The following OR51C1 variants were observed in gnomAD, a reference collection of about 807,000 sequenced individuals.
The protein encoded by OR51C1 is olfactory receptor family 51 subfamily C member 1.
the OR51C1 span, among the ~76,000 whole-genome samples, chr11:4,694,157 A>T: frequency 6.6e-6 from 1 of 152,004 alleles, no homozygotes; most frequent in African/African-American, 2.4e-5. Context: ...ATCTCCCATT[A>T]CCTCATTTCA....
chr11:4,694,486 G>A, the OR51C1 span, among the ~76,000 whole-genome samples: 9 of 143,324 alleles, frequency 6.3e-5, no homozygotes, highest in East Asian at 5.3e-4. Context: ...ATATATATAC[G>A]TGTATATATA....
the OR51C1 span, among the ~76,000 whole-genome samples, chr11:4,694,935 G>A: frequency 1.3e-5 from 2 of 152,222 alleles, no homozygotes; most frequent in South Asian, 4.1e-4. Context: ...TTATAAGGAT[G>A]AAAAACAGGG....
At chr11:4,693,960 T>C in the OR51C1 span, among the ~76,000 whole-genome samples, 2 of 152,168 alleles carry the variant, frequency 1.3e-5, no homozygotes, top group Admixed American at 6.5e-5. Context: ...CGATGAATAA[T>C]AAAAATGGTT....
At chr11:4,696,820 G>T in the OR51C1 span, among the ~76,000 whole-genome samples, 1 of 152,110 alleles carries the variant, frequency 6.6e-6, no homozygotes, top group Non-Finnish European at 1.5e-5. Context: ...GTCTTAATCT[G>T]CTGAACTAGA....
At chr11:4,696,160 T>A in the OR51C1 span, among the ~76,000 whole-genome samples, 1 of 152,114 alleles carries the variant, frequency 6.6e-6, no homozygotes, top group African/African-American at 2.4e-5. Context: ...ATGTGGTGAA[T>A]AAAAAGTAAA....
At chr11:4,694,696 C>T in the OR51C1 span, among the ~76,000 whole-genome samples, 3 of 151,846 alleles carry the variant, frequency 2.0e-5, no homozygotes, top group East Asian at 1.9e-4. Flanking sequence ...TGCCAGACAG[C>T]GTCTATCAGC....
the OR51C1 span, chr11:4,690,623 C>T: frequency 6.8e-6 from 2 of 292,938 alleles, no homozygotes; most frequent in South Asian, 3.2e-5. Context: ...AGATACATTC[C>T]AGCTTTAACT....
At chr11:4,697,330 G>A in the OR51C1 span, among the ~76,000 whole-genome samples, 8 of 152,298 alleles carry the variant, frequency 5.3e-5, no homozygotes, top group Admixed American at 1.3e-4. Flanking sequence ...CAGGCAATGC[G>A]TTCGAAATTG....
chr11:4,691,917 G>A, the OR51C1 span, among the ~76,000 whole-genome samples: 1 of 152,168 alleles, frequency 6.6e-6, no homozygotes, highest in Non-Finnish European at 1.5e-5. Context: ...TTGCCTTAGT[G>A]TACAATCTTT....
At chr11:4,696,156 T>C in the OR51C1 span, among the ~76,000 whole-genome samples, 1 of 152,208 alleles carries the variant, frequency 6.6e-6, no homozygotes, top group East Asian at 1.9e-4. Context: ...CTGCATGTGG[T>C]GAATAAAAAG....
chr11:4,690,803 CTGTT>C, the OR51C1 span: 506 of 433,918 alleles, frequency 1.2e-3, 4 homozygotes, highest in African/African-American at 1.0e-2. Flanking sequence ...CTCTACGTAT[CTGTT>C]TGGTTTTCAC....
chr11:4,694,036 G>T, the OR51C1 span, among the ~76,000 whole-genome samples: 1 of 152,014 alleles, frequency 6.6e-6, no homozygotes, highest in Non-Finnish European at 1.5e-5. Flanking sequence ...TAGTTCCTAC[G>T]CAATATCTGA....
chr11:4,692,494 G>C, the OR51C1 span, among the ~76,000 whole-genome samples: 2 of 152,192 alleles, frequency 1.3e-5, no homozygotes, highest in Admixed American at 6.5e-5. Flanking sequence ...ATACTTCTTA[G>C]GAGATACCTA....
chr11:4,690,672 CTTT>C, the OR51C1 span: 1 of 329,200 alleles, frequency 3.0e-6, no homozygotes, highest in South Asian at 2.5e-5. Flanking sequence ...GGCACCAGTT[CTTT>C]GGTTGTTTTT....
chr11:4,692,184 G>A, the OR51C1 span: 2 of 452,120 alleles, frequency 4.4e-6, no homozygotes, highest in South Asian at 1.6e-5. Flanking sequence ...AAGCAGAGAA[G>A]CTTACAGACA....
At chr11:4,693,361 G>T in the OR51C1 span, among the ~76,000 whole-genome samples, 1 of 152,208 alleles carries the variant, frequency 6.6e-6, no homozygotes. Context: ...AGCAGTGCTT[G>T]AAAGATTTCT....
At chr11:4,693,223 A>T in the OR51C1 span, among the ~76,000 whole-genome samples, 2 of 152,236 alleles carry the variant, frequency 1.3e-5, no homozygotes, top group Admixed American at 6.5e-5. Context: ...CCACAAATAT[A>T]TACCATATTA....
the OR51C1 span, chr11:4,692,165 A>C: frequency 2.2e-6 from 1 of 453,576 alleles, no homozygotes; most frequent in Admixed American, 2.4e-5. Context: ...CATTGGTCAT[A>C]AGTGTGGAAA....
At chr11:4,694,585 C>T in the OR51C1 span, among the ~76,000 whole-genome samples, 1 of 151,446 alleles carries the variant, frequency 6.6e-6, no homozygotes, top group East Asian at 1.9e-4. Context: ...TACACACACA[C>T]ACACACACAC....
Sources: allele counts gnomAD v4.1 joint callset (sites outside exome capture counted in the v4.1 genomes callset), GRCh38; gene constraint gnomAD v4.1.1; transcripts MANE v1.5; gene names NCBI Gene and HGNC (gene_info 2026-07-23, HGNC 2026-07-21).